RPS6KC1: variants seen among roughly 807,000 people sequenced by gnomAD.
The protein encoded by RPS6KC1 is ribosomal protein S6 kinase C1.
RPS6KC1 carries 54 observed loss-of-function variants against 103.8 expected under a neutral mutation model. The ratio of observed to expected loss-of-function variants is 0.52; its 90% CI spans 0.42 to 0.65. RPS6KC1 has a LOEUF of 0.65. Ranked by LOEUF, RPS6KC1 falls within the 30% of genes least tolerant of loss-of-function variation. RPS6KC1 has a pLI of 0.00. For synonymous variants in RPS6KC1, 439 were observed against 438.7 expected (o/e 1.00, Z -0.01); for missense variants, 1,151 against 1,253.8 (o/e 0.92, Z 1.24).
At chr1:213,704,412 A>AC in the RPS6KC1 span, among the ~76,000 whole-genome samples, 1 of 148,978 alleles carries the variant, frequency 6.7e-6, no homozygotes, top group East Asian at 1.9e-4. Flanking sequence ...AAAAAAAAAA[A>AC]CTCTGATGTA....
the RPS6KC1 span, among the ~76,000 whole-genome samples, chr1:213,710,452 G>A: frequency 3.2e-4 from 48 of 152,188 alleles, no homozygotes; most frequent in Non-Finnish European, 6.0e-4. Flanking sequence ...ACACTGACAG[G>A]TCTTGACTCT....
At chr1:213,460,081 T>C in the RPS6KC1 span, among the ~76,000 whole-genome samples, 2 of 152,208 alleles carry the variant, frequency 1.3e-5, no homozygotes, top group Non-Finnish European at 2.9e-5. Context: ...TGGAGAGTTC[T>C]GTAGATGTCT....
chr1:213,070,237 C>T (rs562233049), intron 1 of RPS6KC1, among the ~76,000 whole-genome samples: 1 of 152,126 alleles, frequency 6.6e-6, no homozygotes, highest in South Asian at 2.1e-4. Flanking sequence ...TACACTTTGC[C>T]TAAGTGCAGC....
chr1:213,244,573 C>T (rs1376484631), intron 12 of RPS6KC1, among the ~76,000 whole-genome samples: 1 of 152,058 alleles, frequency 6.6e-6, no homozygotes, highest in African/African-American at 2.4e-5. Flanking sequence ...TATTCTCAAG[C>T]ACAGTCATAT....
the RPS6KC1 span, among the ~76,000 whole-genome samples, chr1:213,788,342 A>C: frequency 6.6e-6 from 1 of 152,160 alleles, no homozygotes; most frequent in Non-Finnish European, 1.5e-5. Flanking sequence ...TTATTTATCA[A>C]GCAGGCATAC....
chr1:213,830,256 G>T, the RPS6KC1 span, among the ~76,000 whole-genome samples: 1 of 152,036 alleles, frequency 6.6e-6, no homozygotes, highest in African/African-American at 2.4e-5. Flanking sequence ...CATTTTTATG[G>T]CTCATCATAA....
At chr1:213,761,608 G>A in the RPS6KC1 span, among the ~76,000 whole-genome samples, 94 of 152,310 alleles carry the variant, frequency 6.2e-4, no homozygotes, top group African/African-American at 2.0e-3. Context: ...TAGGAATGGC[G>A]GACAGGCAAA....
chr1:213,177,391 C>A (rs1012535731), intron 8 of RPS6KC1, among the ~76,000 whole-genome samples: 1 of 152,174 alleles, frequency 6.6e-6, no homozygotes, highest in Non-Finnish European at 1.5e-5. Flanking sequence ...CCTTAATGTT[C>A]ATTTTTAACT....
At chr1:213,451,920 C>G in the RPS6KC1 span, among the ~76,000 whole-genome samples, 525 of 152,278 alleles carry the variant, frequency 3.4e-3, 3 homozygotes, top group African/African-American at 0.012. Context: ...GCCTGGGTGG[C>G]GTCAGCTGCT....
the RPS6KC1 span, among the ~76,000 whole-genome samples, chr1:213,692,299 G>T: frequency 4.0e-4 from 61 of 151,446 alleles, no homozygotes; most frequent in South Asian, 7.7e-3. Flanking sequence ...GGAGGCTGAG[G>T]CATGAGAATC....
chr1:213,422,318 A>G, the RPS6KC1 span, among the ~76,000 whole-genome samples: 23 of 152,372 alleles, frequency 1.5e-4, no homozygotes, highest in African/African-American at 4.6e-4. Context: ...ATGTTGTAGC[A>G]TGTGTCAGAA....
At chr1:213,707,814 C>A in the RPS6KC1 span, among the ~76,000 whole-genome samples, 1 of 152,140 alleles carries the variant, frequency 6.6e-6, no homozygotes, top group Non-Finnish European at 1.5e-5. Context: ...TTCCCCATTA[C>A]TTGTTTTTGT....
chr1:213,801,995 G>T, the RPS6KC1 span, among the ~76,000 whole-genome samples: 1 of 152,124 alleles, frequency 6.6e-6, no homozygotes, highest in Non-Finnish European at 1.5e-5. Context: ...AAAGGACAAG[G>T]TGTGTGCTAT....
At chr1:213,546,263 A>G in the RPS6KC1 span, 1 of 152,350 alleles carries the variant, frequency 6.6e-6, no homozygotes, top group Non-Finnish European at 1.5e-5. Flanking sequence ...CCTCTCCCTC[A>G]TGGAGTTTCC....
At chr1:213,239,834 A>G (rs2094310457) in intron 10 of RPS6KC1, among the ~76,000 whole-genome samples, 1 of 152,194 alleles carries the variant, frequency 6.6e-6, no homozygotes, top group South Asian at 2.1e-4. Context: ...CACTACTGTT[A>G]TAGCAGGTTT....
chr1:213,720,800 A>G, the RPS6KC1 span, among the ~76,000 whole-genome samples: 105 of 152,376 alleles, frequency 6.9e-4, no homozygotes, highest in African/African-American at 2.2e-3. Context: ...ACCATGTGAC[A>G]TTACTGTATA....
chr1:213,754,879 C>G, the RPS6KC1 span, among the ~76,000 whole-genome samples: 1 of 152,206 alleles, frequency 6.6e-6, no homozygotes, highest in Non-Finnish European at 1.5e-5. Context: ...AGAAACCTGT[C>G]TGGCATTTCA....
the RPS6KC1 span, among the ~76,000 whole-genome samples, chr1:213,562,413 G>A: frequency 0.014 from 1,169 of 85,438 alleles, 24 homozygotes; most frequent in Middle Eastern, 0.075. Flanking sequence ...TTTTTGAGAC[G>A]GAGTCTTGCT....
At chr1:213,681,380 G>A in the RPS6KC1 span, among the ~76,000 whole-genome samples, 5 of 152,168 alleles carry the variant, frequency 3.3e-5, no homozygotes, top group African/African-American at 1.2e-4. Context: ...AAAACCCAAG[G>A]TGTGCTTTAT....
Sources: allele counts gnomAD v4.1 joint callset (sites outside exome capture counted in the v4.1 genomes callset), GRCh38; gene constraint gnomAD v4.1.1; transcripts MANE v1.5; gene names NCBI Gene and HGNC (gene_info 2026-07-23, HGNC 2026-07-21).